Variants in ZBTB10 observed in about 807,000 individuals in gnomAD.
ZBTB10 encodes the protein zinc finger and BTB domain-containing protein 10.
Under a neutral mutation model 76.4 loss-of-function variants are expected in ZBTB10, and 32 were observed. That is an observed-to-expected ratio of 0.42 (90% CI 0.32 to 0.56). The LOEUF (loss-of-function observed/expected upper bound fraction) is 0.56, where lower values mean the gene tolerates loss of function less well. Ranked by LOEUF, ZBTB10 falls within the 20% of genes least tolerant of loss-of-function variation. The pLI, the probability that ZBTB10 is intolerant of heterozygous loss-of-function variation, is 0.14. For missense variants in ZBTB10, 1,057 were observed against 1,098.5 expected, an observed-to-expected ratio of 0.96 and a Z score of 0.53; for synonymous variants, 523 against 432.9, an observed-to-expected ratio of 1.21 and a Z score of -2.58.
In ZBTB10 at chr8:80,519,210, C is replaced by G; in HGVS notation, c.2311-13C>G. 1 of 1,605,240 alleles carries G rather than the reference C, an allele frequency of 6.2e-7. No homozygotes were observed. The highest frequency in any genetic ancestry group is 2.2e-5 in the East Asian group (1 of 44,732). On this transcript the variant is annotated splice_polypyrimidine_tract_variant and intron_variant, in intron 5 of 5. Coordinates refer to ENST00000455036, the MANE Select transcript of ZBTB10 (RefSeq NM_001105539.3). The stretch of plus-strand genomic sequence containing the variant: ...TAATATCCTTATATTGGATTTTTTC[C>G]CCCTCCAATTAGGTGCATAAAAAGG...
At chr8:80,507,033 G>A (rs932091312) in intron 2 of ZBTB10, among the ~76,000 whole-genome samples, 2 of 152,160 alleles carry the variant, frequency 1.3e-5, no homozygotes, top group Non-Finnish European at 2.9e-5. Context: ...TCTGAGGCCG[G>A]GTGCAGTGGC....
At position 80,489,553 on chromosome 8, in the gene ZBTB10, A is replaced by G. The variant is rs117348694; in HGVS notation, c.972+1771A>G. The stretch of plus-strand genomic sequence containing the variant: ...AAATCTGAATGGGAATGCAAATTAT[A>G]ATTAGCTCCTTTAGTGAACCTGAAA... On this transcript the variant is annotated intron_variant, in intron 1 of 5. Coordinates refer to ENST00000455036, the MANE Select transcript of ZBTB10 (RefSeq NM_001105539.3). 3.4e-4 allele frequency among the ~76,000 whole-genome samples: 52 copies of G among 152,354 alleles called. No homozygotes were observed. The East Asian group carries it at 9.4e-3, about 28-fold the overall frequency.
At chr8:80,488,995 A>G (rs1454911412) in intron 1 of ZBTB10, among the ~76,000 whole-genome samples, 3 of 141,640 alleles carry the variant, frequency 2.1e-5, no homozygotes, top group Admixed American at 7.3e-5. Flanking sequence ...CCAGTGGACA[A>G]TGTAGTAGGG....
upstream of ZBTB10, chr8:80,485,862 TGCGCGTCCCGG>T (rs1815430744): frequency 8.5e-6 from 13 of 1,535,684 alleles, no homozygotes; most frequent in Non-Finnish European, 1.1e-5. Flanking sequence ...AGAAGGAAAA[TGCGCGTCCCGG>T]GCGCGGGTAG....
rs1200883512 is a variant in ZBTB10, at chr8:80,524,032, A to G, written c.*4504A>G. ...ACAAGAATCTTTATTCAAACCTAAA[A>G]ATATAAACTTGTGAGCACTAAACTG... is the stretch of plus-strand genomic sequence containing the variant. On this transcript the variant is annotated 3_prime_UTR_variant, in exon 6 of 6. Coordinates refer to ENST00000455036, the MANE Select transcript of ZBTB10 (RefSeq NM_001105539.3). 2 of 152,072 alleles carry G rather than the reference A, an allele frequency of 1.3e-5. No homozygotes were observed. Among genetic ancestry groups the G allele is most frequent in the Non-Finnish European group, 2.9e-5 (2 of 67,932 alleles). 9.4% of individuals were successfully genotyped at this position (152,072 alleles called of 1,614,324 possible).
intron 2 of ZBTB10, among the ~76,000 whole-genome samples, chr8:80,503,074 G>C (rs1480049320): frequency 2.0e-5 from 3 of 152,148 alleles, no homozygotes; most frequent in African/African-American, 7.2e-5. Flanking sequence ...ATATTGGAAA[G>C]AGCCTAAATT....
rs1230415286 is a variant in ZBTB10 at position 80,526,242 on chromosome 8, A to G, written c.*6714A>G. On this transcript the variant is annotated 3_prime_UTR_variant, in exon 6 of 6. Transcript: ENST00000455036. ...GTTTTGATGTAGAGTGCAATAATAC[A>G]TCAATAAAGGTATTTTAAAATGACC... 1.3e-5 allele frequency: 2 copies of G among 152,234 alleles called. No homozygotes were observed. The highest frequency in any genetic ancestry group is 1.3e-4 in the Admixed American group (2 of 15,268). 9.4% of individuals were successfully genotyped at this position (152,234 alleles called of 1,614,324 possible). A position where few individuals can be genotyped will look rare whatever the true frequency, so the allele number is the denominator to read the frequency against.
At chr8:80,500,463 A>G in intron 2 of ZBTB10, 81 bp downstream of exon 2, 3 of 1,328,714 alleles carry the variant, frequency 2.3e-6, no homozygotes, top group Non-Finnish European at 3.0e-6. Context: ...TTTTTAATTG[A>G]ATTATTTTAG....
Position 80,487,065 on chromosome 8 carries a change from C to A in ZBTB10, c.255C>A (p.Ala85=). 1 of 1,515,716 alleles carries A rather than the reference C, an allele frequency of 6.6e-7. No individual in the cohort carries two copies. Among genetic ancestry groups the A allele is most frequent in the Non-Finnish European group, 8.8e-7 (1 of 1,138,866 alleles). 93.9% of individuals were successfully genotyped at this position (1,515,716 alleles called of 1,614,324 possible). A position where few individuals can be genotyped will look rare whatever the true frequency, so the allele number is the denominator to read the frequency against. Reference sequence around the variant, plus strand: ...TGGAGGCCTCCGCCGGGCCGGCCGCCGGCGCCGCCGAGGAAGCCAAGGAGT... The same window carrying A: ...TGGAGGCCTCCGCCGGGCCGGCCGCAGGCGCCGCCGAGGAAGCCAAGGAGT... ...QDLEASAGPA[A]GAAEEAKELL... Residue 85 remains alanine (A), a synonymous_variant, in exon 1 of 6, where the codon GCC becomes GCA. Coordinates refer to ENST00000455036, the MANE Select transcript of ZBTB10 (RefSeq NM_001105539.3).
At chr8:80,518,021 G>C (rs1317157062) in intron 3 of ZBTB10, among the ~76,000 whole-genome samples, 1 of 151,494 alleles carries the variant, frequency 6.6e-6, no homozygotes, top group South Asian at 2.1e-4. Context: ...ACCATGCCCA[G>C]CTAATTTTTA....
chr8:80,487,483 G>T lies in ZBTB10; in HGVS notation c.673G>T (p.Ala225Ser). Reference protein sequence around the residue: ...GDEVEGSGVGAGEGETVQHFP... With the variant: ...GDEVEGSGVGSGEGETVQHFP... ...CGAAGTGGAGGGCAGCGGTGTGGGA[G>T]CTGGCGAAGGAGAGACTGTCCAGCA... is the stretch of plus-strand genomic sequence containing the variant. Residue 225 changes from alanine to serine, a missense_variant, in exon 1 of 6, where the codon GCT becomes TCT. Physicochemically the swap from Ala to Ser is moderately conservative, Grantham distance 99. This residue lies in a region of ZBTB10 where 556 missense variants were observed against 451.7 expected (regional missense o/e 1.23). Coordinates refer to ENST00000455036, the MANE Select transcript of ZBTB10 (RefSeq NM_001105539.3). 1 of 1,552,778 alleles carries T rather than the reference G, an allele frequency of 6.4e-7. No homozygotes were observed. Among genetic ancestry groups the T allele is most frequent in the Non-Finnish European group, 8.7e-7 (1 of 1,147,608 alleles).
At chr8:80,498,902 T>C (rs1815853847) in intron 1 of ZBTB10, among the ~76,000 whole-genome samples, 1 of 152,244 alleles carries the variant, frequency 6.6e-6, no homozygotes, top group Non-Finnish European at 1.5e-5. Context: ...TGATAGGAAA[T>C]TATATAACTA....
intron 2 of ZBTB10, among the ~76,000 whole-genome samples, chr8:80,504,950 A>G (rs1816012762): frequency 6.6e-6 from 1 of 152,146 alleles, no homozygotes; most frequent in Admixed American, 6.5e-5. Context: ...TGTTAATCTG[A>G]TTTTTTAAAA....
At chr8:80,493,753 G>A (rs974810653) in intron 1 of ZBTB10, among the ~76,000 whole-genome samples, 3 of 152,014 alleles carry the variant, frequency 2.0e-5, no homozygotes, top group East Asian at 3.9e-4. Context: ...TCGCTTCAAC[G>A]CAGAAGGCAG....
intron 1 of ZBTB10, among the ~76,000 whole-genome samples, chr8:80,495,075 G>T (rs1399917415): frequency 1.3e-5 from 2 of 151,688 alleles, no homozygotes; most frequent in Admixed American, 6.6e-5. Flanking sequence ...ACTCTGTAAG[G>T]TGCCTATAGC....
chr8:80,500,006 TCAA>T lies in ZBTB10; in HGVS notation c.1486_1488del (p.Gln496del), dbSNP rs1292880957. The T allele has an allele frequency of 6.2e-7, 1 of 1,613,952 alleles. No individual in the cohort carries two copies. Among genetic ancestry groups the T allele is most frequent in the Non-Finnish European group, 8.5e-7 (1 of 1,179,876 alleles). ...GAGATGGTCTGTCTTCATCACGGGA[TCAA>T]AAAATTGCCAGTTTTTGGGCAACAC... On this transcript the variant is annotated inframe_deletion, in exon 2 of 6. Transcript: ENST00000455036.
chr8:80,522,952 T>C lies in ZBTB10; in HGVS notation c.*3424T>C, dbSNP rs563368797. ...TAATTTTTAAAACTTTAGTAAGCTT[T>C]ATTTATATTTTTTAGGATTTTCTGA... On this transcript the variant is annotated 3_prime_UTR_variant, in exon 6 of 6. Transcript: ENST00000455036. 3.3e-5 allele frequency: 5 copies of C among 152,032 alleles called. No individual in the cohort carries two copies. The highest frequency in any genetic ancestry group is 5.9e-5 in the Non-Finnish European group (4 of 67,878). 9.4% of individuals were successfully genotyped at this position (152,032 alleles called of 1,614,324 possible).
chr8:80,525,301 C>G lies in ZBTB10; in HGVS notation c.*5773C>G, dbSNP rs1816539666. On this transcript the variant is annotated 3_prime_UTR_variant, in exon 6 of 6. Coordinates refer to ENST00000455036, the MANE Select transcript of ZBTB10 (RefSeq NM_001105539.3). Reference sequence around the variant, plus strand: ...AGAAAGTGAACTATAGAAATCTATTCAGCTAATTAAAGTGAATGAAAAATA... The same window carrying G: ...AGAAAGTGAACTATAGAAATCTATTGAGCTAATTAAAGTGAATGAAAAATA... 6.6e-6 allele frequency: 1 copy of G among 152,090 alleles called. No individual in the cohort carries two copies. The highest frequency in any genetic ancestry group is 2.1e-4 in the South Asian group (1 of 4,832). The allele number at this position is 152,090 out of a possible 1,614,324, so 9.4% of individuals were successfully genotyped here.
intron 2 of ZBTB10, among the ~76,000 whole-genome samples, chr8:80,502,340 A>T (rs1815945668): frequency 6.6e-6 from 1 of 152,102 alleles, no homozygotes; most frequent in Non-Finnish European, 1.5e-5. Flanking sequence ...GGTTCAAGCG[A>T]TTCTCCTACC....
Sources: gnomAD v4.1 joint callset for allele counts (sites outside exome capture counted in the v4.1 genomes callset) on GRCh38, gnomAD v4.1.1 for gene constraint, gnomAD v4.1.1 regional missense constraint, MANE v1.5 for transcripts, NCBI Gene and HGNC (gene_info 2026-07-23, HGNC 2026-07-21) for gene names.